Variants in CDK12 observed in about 807,000 individuals in gnomAD.
CDK12 encodes the protein cyclin dependent kinase 12.
In CDK12, 17 loss-of-function variants were observed where a neutral mutation model predicts 133.8. The observed-to-expected ratio is 0.13, with a 90% CI of 0.09 to 0.19. The LOEUF (loss-of-function observed/expected upper bound fraction) is 0.19, where lower values mean the gene tolerates loss of function less well. Ranked by LOEUF, CDK12 falls within the 10% of genes least tolerant of loss-of-function variation. The pLI, the probability that CDK12 is intolerant of heterozygous loss-of-function variation, is 1.00. For synonymous variants in CDK12, 694 were observed against 683.6 expected, an observed-to-expected ratio of 1.02 and a Z score of -0.24; for missense variants, 1,508 against 1,818.7, an observed-to-expected ratio of 0.83 and a Z score of 3.11.
At chr17:39,472,926 A>G (rs2049906776) in intron 2 of CDK12, among the ~76,000 whole-genome samples, 1 of 152,062 alleles carries the variant, frequency 6.6e-6, no homozygotes, top group African/African-American at 2.4e-5. Context: ...GATTTAAAAA[A>G]TTAGCTGGGC....
At chr17:39,518,027 G>T (rs1165026007) in intron 10 of CDK12, among the ~76,000 whole-genome samples, 3 of 150,814 alleles carry the variant, frequency 2.0e-5, no homozygotes, top group Non-Finnish European at 4.4e-5. Flanking sequence ...ACTTAGGCTG[G>T]AGTGCAGTGG....
chr17:39,493,950 C>T lies in CDK12; in HGVS notation c.2249-574C>T, dbSNP rs187529388. Among the ~76,000 whole-genome samples the T allele has an allele frequency of 7.3e-3, 1,104 of 152,100 alleles. 7 individuals are homozygous for T. The highest frequency in any genetic ancestry group is 0.011 in the Non-Finnish European group (724 of 68,002). ...GGCGGAGGTTGCAATGAGCGGAGAT[C>T]GCGCCAGTGCCCTGCAGCCTGGGTG... On this transcript the variant is annotated intron_variant, in intron 4 of 13. Coordinates refer to ENST00000447079, the MANE Select transcript of CDK12 (RefSeq NM_016507.4).
Position 39,515,715 on chromosome 17 carries a change from A to T in CDK12, c.2769-16A>T. On this transcript the variant is annotated splice_polypyrimidine_tract_variant and intron_variant, in intron 8 of 13. Transcript: ENST00000447079. ...TAAGAATTTCTCTTCTGACCTCTCA[A>T]TTTTACCTTTTCTAGATGTATTCTT... 1 of 1,585,760 alleles carries T rather than the reference A, an allele frequency of 6.3e-7. No individual in the cohort carries two copies. Among genetic ancestry groups the T allele is most frequent in the Non-Finnish European group, 8.6e-7 (1 of 1,156,136 alleles).
intron 11 of CDK12, 99 bp downstream of exon 11, chr17:39,520,186 T>G (rs2054077444): frequency 9.5e-6 from 12 of 1,258,856 alleles, no homozygotes; most frequent in Non-Finnish European, 1.3e-5. Context: ...AAGACCCAAA[T>G]GAAGAGGTGT....
chr17:39,503,021 G>T (rs1278913871), intron 6 of CDK12, among the ~76,000 whole-genome samples: 1 of 152,158 alleles, frequency 6.6e-6, no homozygotes, highest in Non-Finnish European at 1.5e-5. Context: ...AGAGGTTACA[G>T]TGAGCCGAGA....
At chr17:39,470,392 A>T (rs1304786401) in intron 1 of CDK12, among the ~76,000 whole-genome samples, 1 of 152,190 alleles carries the variant, frequency 6.6e-6, no homozygotes, top group Non-Finnish European at 1.5e-5. Context: ...AAGTGCTGAG[A>T]TTACAGGTGT....
chr17:39,519,575 A>T (rs1378782766), intron 10 of CDK12, among the ~76,000 whole-genome samples: 1 of 146,888 alleles, frequency 6.8e-6, no homozygotes, highest in African/African-American at 2.5e-5. Context: ...ATGAGCCACC[A>T]TTGCACATCC....
intron 3 of CDK12, among the ~76,000 whole-genome samples, chr17:39,558,936 G>A (rs142741547): frequency 0.01 from 1,554 of 152,232 alleles, 27 homozygotes; most frequent in African/African-American, 0.036. Context: ...GAGCCACTGC[G>A]CCCGGCCTTC....
At chr17:39,510,910 G>GC (rs2053461396) in intron 7 of CDK12, among the ~76,000 whole-genome samples, 1 of 140,138 alleles carries the variant, frequency 7.1e-6, no homozygotes, top group African/African-American at 2.6e-5. Context: ...ACCGTGCCTG[G>GC]CCTTTTTTCT....
upstream of CDK12, chr17:39,546,333 A>C (rs2055701495): frequency 6.8e-6 from 1 of 148,098 alleles, no homozygotes; most frequent in Non-Finnish European, 1.5e-5. Context: ...GCGCCCCCCC[A>C]CCACGCCTGG....
upstream of CDK12, among the ~76,000 whole-genome samples, chr17:39,543,804 C>T (rs928770698): frequency 6.6e-6 from 1 of 152,108 alleles, no homozygotes; most frequent in African/African-American, 2.4e-5. Flanking sequence ...GCCTTAGAGT[C>T]CTTCCTGAAG....
intron 2 of CDK12, among the ~76,000 whole-genome samples, chr17:39,552,503 A>G (rs1387323175): frequency 6.6e-6 from 1 of 152,218 alleles, no homozygotes; most frequent in Non-Finnish European, 1.5e-5. Flanking sequence ...TCTGGAACAC[A>G]CAGCAGTGGA....
chr17:39,513,876 T>C (rs2053636744), intron 8 of CDK12, among the ~76,000 whole-genome samples: 1 of 152,164 alleles, frequency 6.6e-6, no homozygotes. Context: ...CAGTTCAGTG[T>C]GCAAATTAGA....
intron 3 of CDK12, among the ~76,000 whole-genome samples, chr17:39,562,338 G>A (rs905512060): frequency 3.3e-5 from 5 of 152,142 alleles, no homozygotes; most frequent in Non-Finnish European, 7.4e-5. Flanking sequence ...CTTAGACAAA[G>A]GGAGACCACT....
In CDK12 at chr17:39,492,012, C is replaced by CT. The variant is rs200080227; in HGVS notation, c.2109-738dup. On this transcript the variant is annotated intron_variant, in intron 3 of 13. Coordinates refer to ENST00000447079, the MANE Select transcript of CDK12 (RefSeq NM_016507.4). ...CGGGGTGGCGCCTGCCTGTAGAGTA[C>CT]TAAAAAAAAAAAAAAAAAAGATACA... Among the ~76,000 whole-genome samples, 397 of 108,988 alleles carry CT rather than the reference C, an allele frequency of 3.6e-3. 4 individuals carry two copies. Among genetic ancestry groups the CT allele is most frequent in the African/African-American group, 0.011 (293 of 27,132 alleles). The allele number at this position is 108,988 out of a possible 152,430, so 71.5% of individuals were successfully genotyped here.
intron 5 of CDK12, among the ~76,000 whole-genome samples, chr17:39,499,847 A>G (rs1412103929): frequency 6.6e-6 from 1 of 152,128 alleles, no homozygotes; most frequent in Non-Finnish European, 1.5e-5. Context: ...TTTATAACAC[A>G]TTTATTATGA....
At chr17:39,478,258 C>A (rs991807600) in intron 2 of CDK12, among the ~76,000 whole-genome samples, 1 of 151,436 alleles carries the variant, frequency 6.6e-6, no homozygotes, top group Non-Finnish European at 1.5e-5. Flanking sequence ...GTGGCTCAAT[C>A]TCAGCTCACT....
intron 2 of CDK12, among the ~76,000 whole-genome samples, chr17:39,479,635 T>C (rs1345796365): frequency 6.6e-6 from 1 of 151,998 alleles, no homozygotes; most frequent in Non-Finnish European, 1.5e-5. Flanking sequence ...GTTTTTTGTT[T>C]TTTTCCCCCG....
At chr17:39,540,218 A>G (rs2143713798) in intron 1 of CDK12, among the ~76,000 whole-genome samples, 1 of 152,384 alleles carries the variant, frequency 6.6e-6, no homozygotes, top group South Asian at 2.1e-4. Flanking sequence ...GAGGGATAAA[A>G]GCCTCAGGAT....
Sources: gnomAD v4.1 joint callset for allele counts (sites outside exome capture counted in the v4.1 genomes callset) on GRCh38, gnomAD v4.1.1 for gene constraint, MANE v1.5 for transcripts, NCBI Gene and HGNC (gene_info 2026-07-23, HGNC 2026-07-21) for gene names.